Variants in NUDCD1 observed in about 807,000 individuals in gnomAD.
NUDCD1 encodes the protein NudC domain containing 1, also known as nudC domain-containing protein 1.
A neutral mutation model predicts 67.8 loss-of-function variants in NUDCD1; 60 were observed. The observed-to-expected ratio is 0.88, with a 90% CI of 0.72 to 1.10. NUDCD1 has a LOEUF of 1.10. Ranked by LOEUF, NUDCD1 falls within the 50% of genes least tolerant of loss-of-function variation. The pLI is 0.00. For synonymous variants in NUDCD1, 244 were observed against 230.8 expected, an observed-to-expected ratio of 1.06 and a Z score of -0.52; for missense variants, 643 against 695.0, an observed-to-expected ratio of 0.93 and a Z score of 0.84.
chr8:109,242,847 A>C lies in NUDCD1; in HGVS notation c.*162T>G. On this transcript the variant is annotated 3_prime_UTR_variant, in exon 10 of 10. Transcript: ENST00000239690. ...GCAGCTTCATTCCACAGCTTTACAG[A>C]ATCATAATCTCTTGAATATATTTCC... The C allele has an allele frequency of 2.3e-6, 1 of 443,280 alleles. No individual in the cohort carries two copies. The highest frequency in any genetic ancestry group is 3.3e-5 in the East Asian group (1 of 29,892). The allele number at this position is 443,280 out of a possible 1,614,324, so 27.5% of individuals were successfully genotyped here.
At chr8:109,303,728 G>A (rs190064194) in intron 2 of NUDCD1, among the ~76,000 whole-genome samples, 1 of 151,874 alleles carries the variant, frequency 6.6e-6, no homozygotes, top group Non-Finnish European at 1.5e-5. Flanking sequence ...CTCCCTCCTT[G>A]GCAACCGATC....
chr8:109,261,613 G>C (rs989540493), intron 8 of NUDCD1, among the ~76,000 whole-genome samples: 18 of 151,488 alleles, frequency 1.2e-4, no homozygotes, highest in African/African-American at 4.2e-4. Context: ...CTGCTTTCTT[G>C]GGCAAGAGGA....
At chr8:109,282,355 T>C (rs571030588) in intron 5 of NUDCD1, among the ~76,000 whole-genome samples, 8 of 152,076 alleles carry the variant, frequency 5.3e-5, no homozygotes, top group Admixed American at 2.0e-4. Flanking sequence ...TTAAACTGCA[T>C]AGCCCAATAT....
At chr8:109,331,511 G>C (rs1815805829) in intron 1 of NUDCD1, among the ~76,000 whole-genome samples, 1 of 88,666 alleles carries the variant, frequency 1.1e-5, no homozygotes, top group South Asian at 4.5e-4. Context: ...GCAAGACTCA[G>C]ACTCAAAAAA....
chr8:109,318,698 A>G (rs1053493565), intron 2 of NUDCD1, among the ~76,000 whole-genome samples: 1 of 152,198 alleles, frequency 6.6e-6, no homozygotes, highest in African/African-American at 2.4e-5. Context: ...ATTTATTACC[A>G]GGAAATGTCT....
intron 6 of NUDCD1, among the ~76,000 whole-genome samples, chr8:109,279,571 G>A (rs192632169): frequency 1.4e-4 from 21 of 152,086 alleles, no homozygotes; most frequent in Non-Finnish European, 2.4e-4. Context: ...GGTATCTTTA[G>A]AAGAACAAAA....
intron 2 of NUDCD1, among the ~76,000 whole-genome samples, chr8:109,317,247 C>T (rs1171062515): frequency 1.3e-5 from 2 of 152,182 alleles, no homozygotes; most frequent in Non-Finnish European, 2.9e-5. Flanking sequence ...GGAGCAGTTG[C>T]TCATGCCTGT....
chr8:109,274,463 T>C (rs1331390510), intron 7 of NUDCD1, among the ~76,000 whole-genome samples: 1 of 152,178 alleles, frequency 6.6e-6, no homozygotes, highest in East Asian at 1.9e-4. Context: ...AATGAGCGAA[T>C]ATAAGGCAAT....
intron 8 of NUDCD1, among the ~76,000 whole-genome samples, chr8:109,254,011 A>C (rs1000638839): frequency 6.6e-6 from 1 of 152,126 alleles, no homozygotes; most frequent in African/African-American, 2.4e-5. Context: ...CACAAAACCC[A>C]TTTTTCACTA....
intron 4 of NUDCD1, among the ~76,000 whole-genome samples, chr8:109,292,168 T>C (rs933617075): frequency 6.6e-6 from 1 of 152,150 alleles, no homozygotes; most frequent in African/African-American, 2.4e-5. Flanking sequence ...AACACAACTA[T>C]ACTCATTCAT....
In NUDCD1 at chr8:109,242,762, A is replaced by G. The variant is rs762942857; in HGVS notation, c.*247T>C. 1.2e-5 allele frequency: 3 copies of G among 255,162 alleles called. No homozygotes were observed. The highest frequency in any genetic ancestry group is 9.8e-5 in the Admixed American group (2 of 20,406). The allele number at this position is 255,162 out of a possible 1,614,324, so 15.8% of individuals were successfully genotyped here. A position where few individuals can be genotyped will look rare whatever the true frequency, so the allele number is the denominator to read the frequency against. On this transcript the variant is annotated 3_prime_UTR_variant, in exon 10 of 10. Transcript: ENST00000239690. ...TTCTAGCCTGTTTTAAAAAATAAGT[A>G]TACTTGCTAGTACTATCTTCACTCT... is the stretch of plus-strand genomic sequence containing the variant.
chr8:109,276,541 T>C (rs1814293601), intron 6 of NUDCD1, among the ~76,000 whole-genome samples: 1 of 152,204 alleles, frequency 6.6e-6, no homozygotes, highest in South Asian at 2.1e-4. Context: ...CCTTATGAAT[T>C]ACAGCATTTA....
In NUDCD1 at chr8:109,294,489, G is replaced by T. The variant is rs371599654; in HGVS notation, c.460-965C>A. ...AGATGAAGGCAGGTTTTTATTGGTTGATTGGGTTTTGCTTTTGTTTGAGGA... is the reference window on the plus strand; with the variant it reads ...AGATGAAGGCAGGTTTTTATTGGTTTATTGGGTTTTGCTTTTGTTTGAGGA... On this transcript the variant is annotated intron_variant, in intron 3 of 9. Coordinates refer to ENST00000239690, the MANE Select transcript of NUDCD1 (RefSeq NM_032869.4). Among the ~76,000 whole-genome samples, 182 of 152,162 alleles carry T rather than the reference G, an allele frequency of 1.2e-3. 1 individual carries two copies. Among genetic ancestry groups the T allele is most frequent in the African/African-American group, 3.3e-3 (136 of 41,552 alleles).
chr8:109,261,066 C>T (rs976772788), intron 8 of NUDCD1, among the ~76,000 whole-genome samples: 17 of 152,082 alleles, frequency 1.1e-4, no homozygotes, highest in African/African-American at 3.6e-4. Context: ...TTAAGAAATA[C>T]ATGTAGGGGG....
At chr8:109,274,107 C>T (rs1037514301) in intron 7 of NUDCD1, among the ~76,000 whole-genome samples, 2 of 152,028 alleles carry the variant, frequency 1.3e-5, no homozygotes, top group Non-Finnish European at 2.9e-5. Flanking sequence ...TGATAAAAGT[C>T]GATTATTTTC....
At chr8:109,275,959 T>C (rs910302229) in intron 6 of NUDCD1, among the ~76,000 whole-genome samples, 2 of 152,140 alleles carry the variant, frequency 1.3e-5, no homozygotes, top group African/African-American at 2.4e-5. Flanking sequence ...CTAAGAGCCA[T>C]AATATATGAT....
intron 1 of NUDCD1, among the ~76,000 whole-genome samples, chr8:109,328,719 TA>T (rs1483053418): frequency 1.3e-5 from 2 of 152,048 alleles, no homozygotes; most frequent in African/African-American, 4.8e-5. Context: ...TAACAAATCA[TA>T]AAAGCAAGAA....
intron 3 of NUDCD1, among the ~76,000 whole-genome samples, chr8:109,294,362 A>G (rs1814788888): frequency 2.0e-5 from 3 of 152,102 alleles, no homozygotes; most frequent in Admixed American, 2.0e-4. Flanking sequence ...ATCTGCCAAA[A>G]TCATTCAAGT....
At chr8:109,258,523 A>G (rs1813790374) in intron 8 of NUDCD1, among the ~76,000 whole-genome samples, 1 of 152,158 alleles carries the variant, frequency 6.6e-6, no homozygotes, top group African/African-American at 2.4e-5. Context: ...AAGAAAAGCT[A>G]TATTTGATAA....
Sources: allele counts gnomAD v4.1 joint callset (sites outside exome capture counted in the v4.1 genomes callset), GRCh38; gene constraint gnomAD v4.1.1; transcripts MANE v1.5; gene names NCBI Gene and HGNC (gene_info 2026-07-23, HGNC 2026-07-21).